Variants in NBEA observed in about 807,000 individuals in gnomAD.
NBEA encodes the protein lysosomal-trafficking regulator 2.
Under a neutral mutation model 343.4 loss-of-function variants are expected in NBEA, and 44 were observed. The ratio of observed to expected loss-of-function variants is 0.13; its 90% CI spans 0.10 to 0.16. The LOEUF is 0.16. NBEA is among the 10% of genes least tolerant of loss of function. The pLI is 1.00. For synonymous variants in NBEA, 1,175 were observed against 1,238.7 expected (o/e 0.95, Z 1.08); for missense variants, 2,555 against 3,631.3 (o/e 0.70, Z 7.62).
Position 34,993,695 on chromosome 13 carries a change from G to A in NBEA, c.295-47238G>A, listed in dbSNP as rs548973764. On this transcript the variant is annotated intron_variant, in intron 1 of 58. Transcript: ENST00000379939. ...CCTGGTTACAACATAGAGTAGTGCC[G>A]ACAGGCTATAATGTCTATCCCTGAA... 1.5e-4 allele frequency among the ~76,000 whole-genome samples: 23 copies of A among 152,242 alleles called. No individual in the cohort carries two copies. In the South Asian group the frequency reaches 1.9e-3, roughly 12 times the overall value.
At chr13:35,103,021 T>G (rs992787785) in intron 11 of NBEA, among the ~76,000 whole-genome samples, 3 of 151,812 alleles carry the variant, frequency 2.0e-5, no homozygotes, top group Admixed American at 6.6e-5. Flanking sequence ...TTGTGTGGAT[T>G]TTTTAGTTAA....
chr13:35,112,715 T>C (rs1045331008), intron 13 of NBEA, among the ~76,000 whole-genome samples: 2 of 152,228 alleles, frequency 1.3e-5, no homozygotes, highest in Middle Eastern at 3.2e-3. Context: ...TTTTACATCT[T>C]ATCACTTTAG....
At chr13:35,113,801 C>T (rs985651952) in intron 13 of NBEA, among the ~76,000 whole-genome samples, 1 of 152,098 alleles carries the variant, frequency 6.6e-6, no homozygotes, top group Non-Finnish European at 1.5e-5. Flanking sequence ...TAACCACAGA[C>T]AGTATGTAAA....
chr13:35,424,946 A>T (rs1403538414), intron 38 of NBEA, among the ~76,000 whole-genome samples: 1 of 152,070 alleles, frequency 6.6e-6, no homozygotes, highest in Non-Finnish European at 1.5e-5. Flanking sequence ...AGAGGTGTTT[A>T]TAGTATTCTC....
At chr13:35,185,028 A>G (rs930716083) in intron 30 of NBEA, among the ~76,000 whole-genome samples, 8 of 152,120 alleles carry the variant, frequency 5.3e-5, no homozygotes, top group Non-Finnish European at 7.4e-5. Context: ...TGAGCTCTGT[A>G]AAAGAAGAGA....
intron 38 of NBEA, among the ~76,000 whole-genome samples, chr13:35,403,040 C>G (rs573862599): frequency 1.3e-5 from 2 of 152,140 alleles, no homozygotes; most frequent in Non-Finnish European, 2.9e-5. Context: ...TTGTTAAAAT[C>G]CATAAGCATG....
At chr13:35,497,895 A>G (rs2076741783) in intron 41 of NBEA, among the ~76,000 whole-genome samples, 1 of 152,050 alleles carries the variant, frequency 6.6e-6, no homozygotes, top group African/African-American at 2.4e-5. Flanking sequence ...TTAAGAGCTT[A>G]CTAAACATTC....
At chr13:34,992,264 T>TATA (rs1555269629) in intron 1 of NBEA, among the ~76,000 whole-genome samples, 41 of 70,956 alleles carry the variant, frequency 5.8e-4, no homozygotes, top group East Asian at 2.0e-3. Context: ...ATATATATAT[T>TATA]TTTTTTTTTA....
At chr13:35,320,855 C>G (rs1283446707) in intron 36 of NBEA, among the ~76,000 whole-genome samples, 1 of 151,944 alleles carries the variant, frequency 6.6e-6, no homozygotes, top group Admixed American at 6.6e-5. Flanking sequence ...GATCTTCAAT[C>G]TCTCATATCC....
intron 49 of NBEA, among the ~76,000 whole-genome samples, chr13:35,637,966 C>T (rs772762135): frequency 7.2e-5 from 11 of 152,048 alleles, no homozygotes; most frequent in East Asian, 1.9e-4. Flanking sequence ...CATGCTACAA[C>T]ATGGATGAAC....
intron 30 of NBEA, among the ~76,000 whole-genome samples, chr13:35,188,638 A>G (rs1267876260): frequency 2.0e-5 from 3 of 152,062 alleles, no homozygotes; most frequent in South Asian, 2.1e-4. Context: ...CTCTTCGTCA[A>G]TAGACACTTG....
At chr13:35,059,759 T>C (rs868370209) in intron 8 of NBEA, among the ~76,000 whole-genome samples, 32 of 138,100 alleles carry the variant, frequency 2.3e-4, no homozygotes, top group South Asian at 7.3e-4. Context: ...TATATATATA[T>C]ACAGAGAGAG....
At chr13:35,313,352 G>A (rs371205542) in intron 36 of NBEA, among the ~76,000 whole-genome samples, 20 of 152,092 alleles carry the variant, frequency 1.3e-4, no homozygotes, top group South Asian at 6.2e-4. Flanking sequence ...CTTATTCATC[G>A]TCTTATTTGC....
At position 35,533,100 on chromosome 13, in the gene NBEA, G is replaced by A. The variant is rs796779671; in HGVS notation, c.6586-17377G>A. 1.1e-4 allele frequency among the ~76,000 whole-genome samples: 17 copies of A among 152,058 alleles called. 1 individual carries two copies. Among genetic ancestry groups the A allele is most frequent in the African/African-American group, 4.1e-4 (17 of 41,488 alleles). ...TTTCTTGATATGTTTTATTATTTGTGCGCCCACTAGCAATGTAGTGAGAAC... is the reference window on the plus strand; with the variant it reads ...TTTCTTGATATGTTTTATTATTTGTACGCCCACTAGCAATGTAGTGAGAAC... On this transcript the variant is annotated intron_variant, in intron 41 of 58. Transcript: ENST00000379939.
intron 31 of NBEA, among the ~76,000 whole-genome samples, chr13:35,197,957 A>G (rs188260579): frequency 6.6e-6 from 1 of 152,332 alleles, no homozygotes; most frequent in Non-Finnish European, 1.5e-5. Flanking sequence ...TTTATCTTCT[A>G]TGAATTTAGA....
intron 38 of NBEA, among the ~76,000 whole-genome samples, chr13:35,353,282 A>G (rs2040294600): frequency 6.6e-6 from 1 of 152,146 alleles, no homozygotes; most frequent in Non-Finnish European, 1.5e-5. Flanking sequence ...CTAAAACACA[A>G]AAATTAGCCA....
intron 41 of NBEA, among the ~76,000 whole-genome samples, chr13:35,480,669 C>T (rs1566198613): frequency 6.6e-6 from 1 of 151,716 alleles, no homozygotes; most frequent in Non-Finnish European, 1.5e-5. Flanking sequence ...GATTTCTTTC[C>T]CCCTTCTTTT....
intron 34 of NBEA, among the ~76,000 whole-genome samples, chr13:35,278,959 A>C (rs1252865253): frequency 2.0e-5 from 3 of 152,122 alleles, no homozygotes; most frequent in Non-Finnish European, 2.9e-5. Context: ...ATAACTTTTA[A>C]GTATCATGAA....
At chr13:35,549,433 C>T (rs2079209253) in intron 41 of NBEA, among the ~76,000 whole-genome samples, 1 of 152,106 alleles carries the variant, frequency 6.6e-6, no homozygotes, top group Non-Finnish European at 1.5e-5. Context: ...AGAAAAGTCC[C>T]TCTGAATTGT....
Sources: gnomAD v4.1 joint callset for allele counts (sites outside exome capture counted in the v4.1 genomes callset) on GRCh38, gnomAD v4.1.1 for gene constraint, MANE v1.5 for transcripts, NCBI Gene and HGNC (gene_info 2026-07-23, HGNC 2026-07-21) for gene names.